The following SLC24A3 variants were observed in gnomAD, a reference collection of about 807,000 sequenced individuals.
The protein encoded by SLC24A3 is sodium/potassium/calcium exchanger 3.
Under a neutral mutation model 75.8 loss-of-function variants are expected in SLC24A3, and 28 were observed. The observed-to-expected ratio is 0.37, with a 90% CI of 0.27 to 0.51. SLC24A3 has a LOEUF of 0.51. SLC24A3 is among the 20% of genes least tolerant of loss of function. The probability of loss-of-function intolerance (pLI) is 0.94; values close to 1 mark genes in which losing one functional copy is unlikely to be tolerated. For missense variants in SLC24A3, 663 were observed against 847.8 expected (o/e 0.78, Z 2.71); for synonymous variants, 372 against 334.1 (o/e 1.11, Z -1.24).
rs888349023 is a variant in SLC24A3, at chr20:19,654,275, A to C, written c.687+139A>C. The C allele has an allele frequency of 3.0e-5, 22 of 735,846 alleles. No homozygotes were observed. In the Admixed American group the frequency reaches 3.2e-4, roughly 11 times the overall value. 45.6% of individuals were successfully genotyped at this position (735,846 alleles called of 1,614,324 possible). Reference sequence around the variant, plus strand: ...CATGTCTTTGCTTGGAGGCAGATTTATTTCTTTCAGCTACTTTGATCACCC... The same window carrying C: ...CATGTCTTTGCTTGGAGGCAGATTTCTTTCTTTCAGCTACTTTGATCACCC... On this transcript the variant is annotated intron_variant, in intron 7 of 16. Transcript: ENST00000328041.
intron 2 of SLC24A3, among the ~76,000 whole-genome samples, chr20:19,312,233 G>A (rs1392781040): frequency 2.0e-5 from 3 of 152,112 alleles, no homozygotes; most frequent in Admixed American, 6.5e-5. Flanking sequence ...TTCAGTGAAG[G>A]GCTTCATTCT....
chr20:19,665,379 T>G (rs528406828), intron 7 of SLC24A3, among the ~76,000 whole-genome samples: 164 of 151,406 alleles, frequency 1.1e-3, no homozygotes, highest in Non-Finnish European at 1.9e-3. Flanking sequence ...CAAAAAAAAA[T>G]CAATTAAAAG....
chr20:19,419,851 A>C, intron 2 of SLC24A3, among the ~76,000 whole-genome samples: 1 of 143,406 alleles, frequency 7.0e-6, no homozygotes, highest in Non-Finnish European at 1.5e-5. Context: ...ATTATACTCT[A>C]AGTTTTAGGG....
At chr20:19,271,062 A>G (rs1039976194) in intron 1 of SLC24A3, among the ~76,000 whole-genome samples, 8 of 152,320 alleles carry the variant, frequency 5.3e-5, no homozygotes, top group Admixed American at 3.3e-4. Context: ...CAAGAAAGGC[A>G]GGCTTTGAGC....
intron 2 of SLC24A3, among the ~76,000 whole-genome samples, chr20:19,395,924 T>C (rs1327633488): frequency 6.6e-6 from 1 of 152,094 alleles, no homozygotes; most frequent in Non-Finnish European, 1.5e-5. Context: ...GGGGCTTTGG[T>C]CTTCTAGCTG....
chr20:19,686,611 T>C (rs1389136762), intron 12 of SLC24A3, among the ~76,000 whole-genome samples: 2 of 152,232 alleles, frequency 1.3e-5, no homozygotes, highest in Non-Finnish European at 2.9e-5. Flanking sequence ...GCCCATTTAA[T>C]GATAGGACAT....
intron 1 of SLC24A3, among the ~76,000 whole-genome samples, chr20:19,244,622 A>G (rs188563373): frequency 3.9e-5 from 6 of 152,286 alleles, no homozygotes; most frequent in Middle Eastern, 3.4e-3. Flanking sequence ...TGAAGTTGAA[A>G]TAGGAATTCA....
At chr20:19,467,099 T>C (rs1987778683) in intron 2 of SLC24A3, among the ~76,000 whole-genome samples, 2 of 152,220 alleles carry the variant, frequency 1.3e-5, no homozygotes, top group South Asian at 4.1e-4. Flanking sequence ...TGAGCTTATT[T>C]GCATTTTGAA....
At chr20:19,400,096 T>A (rs931043007) in intron 2 of SLC24A3, among the ~76,000 whole-genome samples, 2 of 152,208 alleles carry the variant, frequency 1.3e-5, no homozygotes, top group African/African-American at 4.8e-5. Flanking sequence ...TCTAATTCTA[T>A]CATCTGTGTC....
At chr20:19,482,107 C>G (rs1453270735) in intron 2 of SLC24A3, among the ~76,000 whole-genome samples, 2 of 152,210 alleles carry the variant, frequency 1.3e-5, no homozygotes, top group African/African-American at 4.8e-5. Context: ...CAGAATGATC[C>G]TTCAAGAAAT....
chr20:19,379,200 C>G (rs1986140139), intron 2 of SLC24A3, among the ~76,000 whole-genome samples: 2 of 152,130 alleles, frequency 1.3e-5, no homozygotes, highest in South Asian at 4.1e-4. Context: ...GGTGAGAATT[C>G]ACTCATTTAC....
At chr20:19,572,015 A>G (rs2031059552) in intron 3 of SLC24A3, among the ~76,000 whole-genome samples, 1 of 152,214 alleles carries the variant, frequency 6.6e-6, no homozygotes, top group African/African-American at 2.4e-5. Flanking sequence ...AGAAAGTGAG[A>G]CAGGAAAGTC....
rs201700487 is a variant in SLC24A3, at chr20:19,644,629, TTCTC to T, written c.613-9429_613-9426del. ...TGCAAAACTGTAAATATAGCCAAAT[TTCTC>T]TCTATGATAATGAATTAAACAAATA... On this transcript the variant is annotated intron_variant, in intron 6 of 16. Transcript: ENST00000328041. Among the ~76,000 whole-genome samples the T allele has an allele frequency of 7.3e-3, 1,107 of 152,330 alleles. 14 individuals are homozygous for T. Among genetic ancestry groups the T allele is most frequent in the African/African-American group, 0.025 (1,019 of 41,576 alleles).
chr20:19,547,803 T>A (rs931049180), intron 3 of SLC24A3, among the ~76,000 whole-genome samples: 1 of 152,224 alleles, frequency 6.6e-6, no homozygotes, highest in Admixed American at 6.5e-5. Flanking sequence ...AAATTCATGA[T>A]GTCTAATAAC....
At chr20:19,398,187 C>G (rs1488061585) in intron 2 of SLC24A3, among the ~76,000 whole-genome samples, 1 of 152,078 alleles carries the variant, frequency 6.6e-6, no homozygotes, top group East Asian at 1.9e-4. Context: ...CTTAAAGGCT[C>G]TGTAACTTTT....
chr20:19,606,450 G>A (rs2031598451), intron 6 of SLC24A3, among the ~76,000 whole-genome samples: 1 of 152,128 alleles, frequency 6.6e-6, no homozygotes, highest in African/African-American at 2.4e-5. Flanking sequence ...GTGCTGAAAT[G>A]CAAAAACACA....
chr20:19,601,250 G>A lies in SLC24A3; in HGVS notation c.612+15706G>A, dbSNP rs74173324. Among the ~76,000 whole-genome samples, 650 of 152,256 alleles carry A rather than the reference G, an allele frequency of 4.3e-3. 2 individuals carry two copies. Among genetic ancestry groups the A allele is most frequent in the Middle Eastern group, 0.014 (4 of 294 alleles). ...GCCCAGCACAGAAGCTTGTCTGGGC[G>A]GTGGTCCCAATCCACTTTTTCATGG... On this transcript the variant is annotated intron_variant, in intron 6 of 16. Transcript: ENST00000328041.
intron 2 of SLC24A3, among the ~76,000 whole-genome samples, chr20:19,486,203 G>C (rs742597): frequency 0.06 from 9,096 of 152,184 alleles, 822 homozygotes; most frequent in African/African-American, 0.2. Flanking sequence ...ACTAAGTAGG[G>C]AAACAGAATT....
At chr20:19,476,597 GGC>G (rs1467880588) in intron 2 of SLC24A3, among the ~76,000 whole-genome samples, 1 of 152,154 alleles carries the variant, frequency 6.6e-6, no homozygotes, top group Non-Finnish European at 1.5e-5. Context: ...GAAAAATCTT[GGC>G]AAAGTACATG....
Sources: allele counts gnomAD v4.1 joint callset (sites outside exome capture counted in the v4.1 genomes callset), GRCh38; gene constraint gnomAD v4.1.1; transcripts MANE v1.5; gene names NCBI Gene and HGNC (gene_info 2026-07-23, HGNC 2026-07-21).